FBXO42: variants seen among roughly 807,000 people sequenced by gnomAD.
FBXO42 encodes the protein F-box protein 42, also known as F-box only protein 42.
FBXO42 carries 12 observed loss-of-function variants against 71.7 expected under a neutral mutation model. The ratio of observed to expected loss-of-function variants is 0.17; its 90% CI spans 0.11 to 0.27. The LOEUF is 0.27. FBXO42 is among the 10% of genes least tolerant of loss of function. FBXO42 has a pLI of 1.00. For synonymous variants in FBXO42, 325 were observed against 327.5 expected (o/e 0.99, Z 0.08); for missense variants, 707 against 911.9 (o/e 0.78, Z 2.89).
chr1:16,315,111 A>C lies in FBXO42; in HGVS notation c.250+58T>G, dbSNP rs12073691. ...AGGAAAAAAACTAAATTTGGAGTCT[A>C]AAAATAAATCAGTGAAATTTGAAAT... On this transcript the variant is annotated intron_variant, in intron 2 of 9. Coordinates refer to ENST00000375592, the MANE Select transcript of FBXO42 (RefSeq NM_018994.3). 2,713 of 1,535,152 alleles carry C rather than the reference A, an allele frequency of 1.8e-3. 43 individuals carry two copies. In the African/African-American group the frequency reaches 0.031, roughly 18 times the overall value.
chr1:16,297,913 A>G (rs945137109), intron 3 of FBXO42, among the ~76,000 whole-genome samples: 9 of 149,170 alleles, frequency 6.0e-5, no homozygotes, highest in South Asian at 4.2e-4. Flanking sequence ...CATGGCTCAC[A>G]TGTCAGATCT....
At chr1:16,330,782 G>T (rs1315055194) in intron 1 of FBXO42, among the ~76,000 whole-genome samples, 1 of 150,874 alleles carries the variant, frequency 6.6e-6, no homozygotes, top group South Asian at 2.1e-4. Context: ...CTCTATTAAA[G>T]ATACAAAAAA....
intron 2 of FBXO42, among the ~76,000 whole-genome samples, chr1:16,313,759 C>T (rs2082338517): frequency 6.6e-6 from 1 of 152,124 alleles, no homozygotes; most frequent in South Asian, 2.1e-4. Context: ...CTCTGGCTGC[C>T]TTGTTCCCCC....
At chr1:16,315,552 C>T in intron 1 of FBXO42, 117 bp from the exon 2 acceptor site, 2 of 1,000,934 alleles carry the variant, frequency 2.0e-6, no homozygotes, top group South Asian at 3.4e-5. Context: ...GAAATCTGCT[C>T]TTCAGCACTT....
intron 2 of FBXO42, among the ~76,000 whole-genome samples, chr1:16,306,507 T>C (rs999071319): frequency 6.6e-6 from 1 of 152,134 alleles, no homozygotes; most frequent in Admixed American, 6.5e-5. Context: ...TAAGGCAACA[T>C]ATCAAGATCA....
intron 1 of FBXO42, among the ~76,000 whole-genome samples, chr1:16,345,607 T>C (rs573003959): frequency 4.3e-4 from 66 of 152,010 alleles, no homozygotes; most frequent in Middle Eastern, 3.4e-3. Flanking sequence ...CCCAGCACTT[T>C]GGGAGGCCGA....
chr1:16,339,931 T>A (rs1025346074), intron 1 of FBXO42, among the ~76,000 whole-genome samples: 2 of 152,048 alleles, frequency 1.3e-5, no homozygotes, highest in African/African-American at 2.4e-5. Context: ...CCAGCCTGGG[T>A]GATAAAGCAA....
Position 16,253,707 on chromosome 1 carries a change from G to T in FBXO42, c.792C>A (p.Asp264Glu). Reference protein sequence around the residue: ...RQMSNDVWVLDLEQWAWSKPN... With the variant: ...RQMSNDVWVLELEQWAWSKPN... ...GCTTGGACCACGCCCACTGCTCAAG[G>T]TCAAGGACCCAGACATCATTGCTCC... Residue 264 changes from aspartate to glutamate, a missense_variant, in exon 7 of 10, where the codon GAC (aspartate) becomes GAA (glutamate). By Grantham distance (45) the Asp-to-Glu change is conservative (BLOSUM62 2). This residue lies in a region of FBXO42 where 482 missense variants were observed against 587.1 expected (regional missense o/e 0.82). Transcript: ENST00000375592. 1 of 1,614,202 alleles carries T rather than the reference G, an allele frequency of 6.2e-7. No homozygotes were observed. Among genetic ancestry groups the T allele is most frequent in the East Asian group, 2.2e-5 (1 of 44,886 alleles).
At chr1:16,302,914 C>T (rs1285225242) in intron 3 of FBXO42, among the ~76,000 whole-genome samples, 2 of 152,178 alleles carry the variant, frequency 1.3e-5, no homozygotes, top group Non-Finnish European at 2.9e-5. Context: ...CCCACCAGGT[C>T]ACTCCCTTGA....
intron 3 of FBXO42, among the ~76,000 whole-genome samples, chr1:16,297,750 C>A (rs528144315): frequency 2.0e-5 from 3 of 151,954 alleles, no homozygotes; most frequent in Non-Finnish European, 4.4e-5. Context: ...GCCTGTAGTT[C>A]CAGTTACTCA....
At chr1:16,269,607 C>A (rs1048611845) in intron 4 of FBXO42, among the ~76,000 whole-genome samples, 38 of 151,686 alleles carry the variant, frequency 2.5e-4, no homozygotes, top group African/African-American at 9.2e-4. Flanking sequence ...CTCACTGTAA[C>A]CTCCGCCTCC....
At chr1:16,316,169 CAAAAAAAA>C (rs58485035) in intron 1 of FBXO42, among the ~76,000 whole-genome samples, 2 of 109,076 alleles carry the variant, frequency 1.8e-5, no homozygotes, top group Non-Finnish European at 3.6e-5. Flanking sequence ...ACCTCCATCT[CAAAAAAAA>C]AAAAAAAAAA....
At chr1:16,306,013 T>A (rs1366988765) in intron 2 of FBXO42, 94 bp from the exon 3 acceptor site, 2 of 938,918 alleles carry the variant, frequency 2.1e-6, no homozygotes, top group Non-Finnish European at 3.3e-6. Flanking sequence ...ATCATTTTTA[T>A]ACAAGTTTCT....
At chr1:16,310,548 T>C (rs2082303328) in intron 2 of FBXO42, among the ~76,000 whole-genome samples, 1 of 151,942 alleles carries the variant, frequency 6.6e-6, no homozygotes, top group Non-Finnish European at 1.5e-5. Flanking sequence ...AAATAACTGA[T>C]AAGCCAGAAT....
chr1:16,270,960 C>G (rs555809767), intron 4 of FBXO42, among the ~76,000 whole-genome samples: 1 of 150,730 alleles, frequency 6.6e-6, no homozygotes, highest in Non-Finnish European at 1.5e-5. Context: ...AAAAACAAAA[C>G]AAGAGGAAAA....
intron 4 of FBXO42, among the ~76,000 whole-genome samples, chr1:16,271,976 C>CAA (rs112291081): frequency 1.8e-5 from 2 of 109,808 alleles, no homozygotes; most frequent in Non-Finnish European, 2.0e-5. Context: ...CCGTTTCTAC[C>CAA]AAAAAAAAAA....
At position 16,337,883 on chromosome 1, in the gene FBXO42, C is replaced by CAAAAAAAAAAAAAAAAAAAAAA; in HGVS notation, c.-18+14350_-18+14371dup. On this transcript the variant is annotated intron_variant, in intron 1 of 9. Coordinates refer to ENST00000375592, the MANE Select transcript of FBXO42 (RefSeq NM_018994.3). ...TGGGAGAAAGAGCGAGACTCCGTCT[C>CAAAAAAAAAAAAAAAAAAAAAA]AAAAAAAAAAAAAAAAAAAAAAAAA... Among the ~76,000 whole-genome samples the CAAAAAAAAAAAAAAAAAAAAAA allele has an allele frequency of 9.0e-4, 35 of 38,852 alleles. 3 individuals are homozygous for CAAAAAAAAAAAAAAAAAAAAAA. The highest frequency in any genetic ancestry group is 1.4e-3 in the Non-Finnish European group (31 of 22,552). 25.5% of individuals were successfully genotyped at this position (38,852 alleles called of 152,430 possible). A position where few individuals can be genotyped will look rare whatever the true frequency, so the allele number is the denominator to read the frequency against.
chr1:16,320,499 AT>A (rs1171682892), intron 1 of FBXO42, among the ~76,000 whole-genome samples: 2 of 150,598 alleles, frequency 1.3e-5, no homozygotes, highest in African/African-American at 2.4e-5. Flanking sequence ...TTTCATATAT[AT>A]TTTTTGTTTT....
Position 16,249,503 on chromosome 1 carries a change from T to C in FBXO42, c.*1167A>G, listed in dbSNP as rs2081569407. ...TTCTAAAAAGAACTGTTATTGGAAT[T>C]CCCTTCCAGAATCAATTTCCACATT... On this transcript the variant is annotated 3_prime_UTR_variant, in exon 10 of 10. Transcript: ENST00000375592. The C allele has an allele frequency of 6.6e-6, 1 of 152,236 alleles. No individual in the cohort carries two copies. The highest frequency in any genetic ancestry group is 6.5e-5 in the Admixed American group (1 of 15,286). The allele number at this position is 152,236 out of a possible 1,614,324, so 9.4% of individuals were successfully genotyped here. A position where few individuals can be genotyped will look rare whatever the true frequency, so the allele number is the denominator to read the frequency against.
Sources: gnomAD v4.1 joint callset for allele counts (sites outside exome capture counted in the v4.1 genomes callset) on GRCh38, gnomAD v4.1.1 for gene constraint, gnomAD v4.1.1 regional missense constraint, MANE v1.5 for transcripts, NCBI Gene and HGNC (gene_info 2026-07-23, HGNC 2026-07-21) for gene names.